Variants in CLCA2 observed in about 807,000 individuals in gnomAD.
CLCA2 encodes calcium-activated chloride channel regulator 2.
Under a neutral mutation model 82.9 loss-of-function variants are expected in CLCA2, and 85 were observed. That is an observed-to-expected ratio of 1.03 (90% CI 0.86 to 1.23). The LOEUF (loss-of-function observed/expected upper bound fraction) is 1.23, where lower values mean the gene tolerates loss of function less well. Ranked by LOEUF, CLCA2 falls within the 50% of genes most tolerant of loss-of-function variation. CLCA2 has a pLI of 0.00. For synonymous variants in CLCA2, 421 were observed against 391.7 expected, an observed-to-expected ratio of 1.07 and a Z score of -0.88; for missense variants, 1,089 against 1,124.8, an observed-to-expected ratio of 0.97 and a Z score of 0.45.
chr1:86,447,462 T>G (rs1291268450), intron 10 of CLCA2, 46 bp from the exon 11 acceptor site: 6 of 1,574,958 alleles, frequency 3.8e-6, no homozygotes, highest in Non-Finnish European at 3.5e-6. Flanking sequence ...AAATTAGGGT[T>G]GATTTTTTTT....
At chr1:86,436,603 CT>C (rs1028938985) in intron 6 of CLCA2, among the ~76,000 whole-genome samples, 1 of 152,104 alleles carries the variant, frequency 6.6e-6, no homozygotes, top group African/African-American at 2.4e-5. Context: ...GAATACTTGC[CT>C]TTTTGGCTGA....
chr1:86,434,705 T>A lies in CLCA2; in HGVS notation c.932T>A (p.Val311Glu), dbSNP rs1021880638. 1.9e-6 allele frequency: 3 copies of A among 1,613,924 alleles called. No individual in the cohort carries two copies. The African/African-American group carries it at 4.0e-5, about 22-fold the overall frequency. Residue 311 changes from valine to glutamate, a missense_variant, in exon 6 of 14, where the codon GTG becomes GAG. Val to Glu is a moderately radical substitution (Grantham distance 121). Coordinates refer to ENST00000370565, the MANE Select transcript of CLCA2 (RefSeq NM_006536.7). Reference protein sequence around the residue: ...TFSLVQAGDKVVCLVLDVSSK... With the variant: ...TFSLVQAGDKEVCLVLDVSSK... ...TCGCTTGTACAGGCTGGTGACAAAG[T>A]GGTCTGTTTAGTGCTGGATGTGTCC...
At chr1:86,435,928 T>C (rs987131075) in intron 6 of CLCA2, among the ~76,000 whole-genome samples, 4 of 46,646 alleles carry the variant, frequency 8.6e-5, no homozygotes, top group African/African-American at 2.6e-4. Flanking sequence ...ACATTTTAAA[T>C]GGTTAAAAAA....
chr1:86,442,101 T>C (rs1182040315), intron 9 of CLCA2, among the ~76,000 whole-genome samples: 1 of 152,204 alleles, frequency 6.6e-6, no homozygotes, highest in African/African-American at 2.4e-5. Context: ...ATTTTGGACA[T>C]AACTGAATAA....
chr1:86,453,341 T>C, intron 12 of CLCA2, 28 bp from the exon 13 acceptor site: 1 of 1,574,458 alleles, frequency 6.4e-7, no homozygotes. Context: ...ATTTGTCATT[T>C]TGCCTTTTTT....
At chr1:86,443,450 T>C (rs932018273) in intron 9 of CLCA2, among the ~76,000 whole-genome samples, 3 of 152,204 alleles carry the variant, frequency 2.0e-5, no homozygotes, top group Admixed American at 1.3e-4. Context: ...TATTCACAAA[T>C]GAAAATTTTT....
Position 86,438,968 on chromosome 1 carries a change from C to A in CLCA2, c.1065C>A (p.Asp355Glu), listed in dbSNP as rs768200217. 2 of 1,614,080 alleles carry A rather than the reference C, an allele frequency of 1.2e-6. No homozygotes were observed. The highest frequency in any genetic ancestry group is 1.1e-5 in the South Asian group (1 of 91,078). ...IHTFVGIASF[D>E]SKGEIRAQLH... is the part of the protein sequence containing the mutation. ...CCTTCGTGGGCATTGCCAGTTTCGA[C>A]AGCAAAGGAGAGATCAGAGCCCAGC... Residue 355 changes from aspartate to glutamate, a missense_variant, in exon 7 of 14, where the codon GAC (aspartate) becomes GAA (glutamate). By Grantham distance (45) the Asp-to-Glu change is conservative. Coordinates refer to ENST00000370565, the MANE Select transcript of CLCA2 (RefSeq NM_006536.7).
intron 10 of CLCA2, among the ~76,000 whole-genome samples, chr1:86,446,220 T>TC (rs1486683114): frequency 8.3e-6 from 1 of 120,416 alleles, no homozygotes; most frequent in East Asian, 2.2e-4. Flanking sequence ...TGGGAACTTT[T>TC]TTTTTTTTTT....
chr1:86,439,002 A>G lies in CLCA2; in HGVS notation c.1099A>G (p.Ile367Val). The G allele has an allele frequency of 1.2e-6, 2 of 1,614,114 alleles. No homozygotes were observed. The highest frequency in any genetic ancestry group is 2.2e-5 in the South Asian group (2 of 91,090). Residue 367 changes from isoleucine to valine, a missense_variant, in exon 7 of 14, where the codon ATT becomes GTT. Transcript: ENST00000370565. ...KGEIRAQLHQ[I>V]NSNDDRKLLV... is the part of the protein sequence containing the mutation. The stretch of plus-strand genomic sequence containing the variant: ...AGAGATCAGAGCCCAGCTACACCAA[A>G]TTAACAGCAATGATGATCGAAAGTT...
At chr1:86,454,173 G>T (rs563619298) in intron 13 of CLCA2, among the ~76,000 whole-genome samples, 1 of 151,950 alleles carries the variant, frequency 6.6e-6, no homozygotes, top group Non-Finnish European at 1.5e-5. Flanking sequence ...TGCCTCCATC[G>T]TCTTTTTCCA....
chr1:86,424,180 C>T lies in CLCA2; in HGVS notation c.-68C>T. The T allele has an allele frequency of 6.9e-7, 1 of 1,442,842 alleles. No individual in the cohort carries two copies. Among genetic ancestry groups the T allele is most frequent in the Non-Finnish European group, 9.4e-7 (1 of 1,063,964 alleles). The allele number at this position is 1,442,842 out of a possible 1,614,324, so 89.4% of individuals were successfully genotyped here. On this transcript the variant is annotated 5_prime_UTR_variant, in exon 1 of 14. Coordinates refer to ENST00000370565, the MANE Select transcript of CLCA2 (RefSeq NM_006536.7). The stretch of plus-strand genomic sequence containing the variant: ...AGTTCAGGAAGAAACCATCTGCATC[C>T]ATATTGAAAACCTGACACAATGTAT...
chr1:86,455,339 G>C lies in CLCA2; in HGVS notation c.2644G>C (p.Ala882Pro). Residue 882 changes from alanine (A) to proline (P), a missense_variant, in exon 14 of 14, where the codon GCC becomes CCC. Ala to Pro is a conservative substitution (Grantham distance 27). Transcript: ENST00000370565. ...NSLQSAVSNI[A>P]QAPLFIPPNS... Reference sequence around the variant, plus strand: ...CTTACAGTCTGCTGTATCTAACATTGCCCAGGCGCCTCTGTTTATTCCCCC... The same window carrying C: ...CTTACAGTCTGCTGTATCTAACATTCCCCAGGCGCCTCTGTTTATTCCCCC... 1 of 1,612,532 alleles carries C rather than the reference G, an allele frequency of 6.2e-7. No individual in the cohort carries two copies. The highest frequency in any genetic ancestry group is 8.5e-7 in the Non-Finnish European group (1 of 1,179,472).
At chr1:86,445,698 TATA>T (rs1259685731) in intron 10 of CLCA2, among the ~76,000 whole-genome samples, 1 of 146,556 alleles carries the variant, frequency 6.8e-6, no homozygotes, top group African/African-American at 2.6e-5. Context: ...TCGTCTTTGT[TATA>T]ATATTAATAG....
intron 12 of CLCA2, among the ~76,000 whole-genome samples, chr1:86,452,287 A>G (rs1570268656): frequency 1.4e-5 from 2 of 147,186 alleles, no homozygotes; most frequent in Non-Finnish European, 3.0e-5. Context: ...GACATCTTGA[A>G]CTGCCACTTT....
chr1:86,433,533 C>T (rs74680586), intron 5 of CLCA2, among the ~76,000 whole-genome samples: 2,622 of 152,254 alleles, frequency 0.017, 84 homozygotes, highest in African/African-American at 0.06. Context: ...CTAATGCATT[C>T]GATCCACATT....
chr1:86,432,125 A>G (rs986028842), intron 4 of CLCA2, among the ~76,000 whole-genome samples: 2 of 152,004 alleles, frequency 1.3e-5, no homozygotes, highest in African/African-American at 4.8e-5. Context: ...TAGTAGAGAC[A>G]GGGTTTCACC....
chr1:86,443,826 T>C lies in CLCA2; in HGVS notation c.1528T>C (p.Leu510=), dbSNP rs149849778. Residue 510 remains leucine (L), a synonymous_variant, in exon 10 of 14, where the codon TTG becomes CTG. Coordinates refer to ENST00000370565, the MANE Select transcript of CLCA2 (RefSeq NM_006536.7). ...TGENVKPHHQ[L]KNTVTVDNTV... is the part of the protein sequence containing the mutation. ...TGAAAATGTCAAACCTCACCATCAA[T>C]TGAAAAACACAGTGACTGTGGATAA... is the stretch of plus-strand genomic sequence containing the variant. 52 of 1,614,000 alleles carry C rather than the reference T, an allele frequency of 3.2e-5. 1 individual carries two copies. Among genetic ancestry groups the C allele is most frequent in the Middle Eastern group, 3.3e-4 (2 of 6,060 alleles).
At chr1:86,434,062 C>T (rs1204954213) in intron 5 of CLCA2, among the ~76,000 whole-genome samples, 1 of 151,898 alleles carries the variant, frequency 6.6e-6, no homozygotes, top group Non-Finnish European at 1.5e-5. Context: ...TTACAGAGAT[C>T]AATATTTGAG....
At chr1:86,425,532 T>C in intron 2 of CLCA2, 56 bp downstream of exon 2, 3 of 1,379,498 alleles carry the variant, frequency 2.2e-6, no homozygotes, top group Non-Finnish European at 2.9e-6. Flanking sequence ...CACCAAAATA[T>C]ACTGTGCTCA....
Sources: allele counts gnomAD v4.1 joint callset (sites outside exome capture counted in the v4.1 genomes callset), GRCh38; gene constraint gnomAD v4.1.1; transcripts MANE v1.5; gene names NCBI Gene and HGNC (gene_info 2026-07-23, HGNC 2026-07-21).